Variants in NRXN1 observed in about 807,000 individuals in gnomAD.
The protein encoded by NRXN1 is neurexin-1.
Under a neutral mutation model 150.9 loss-of-function variants are expected in NRXN1, and 39 were observed. The observed-to-expected ratio is 0.26, with a 90% confidence interval of 0.20 to 0.34. The LOEUF (loss-of-function observed/expected upper bound fraction) is 0.34. Among genes scored for constraint, NRXN1 ranks in the 10% least tolerant of loss-of-function variants. The probability of loss-of-function intolerance (pLI) is 1.00; values close to 1 mark genes in which losing one functional copy is unlikely to be tolerated. For synonymous variants in NRXN1, 924 were observed against 757.0 expected, an observed-to-expected ratio of 1.22 and a Z score of -3.62; for missense variants, 1,815 against 1,949.9, an observed-to-expected ratio of 0.93 and a Z score of 1.30.
chr2:50,356,842 CTG>C (rs1382982962), intron 17 of NRXN1, among the ~76,000 whole-genome samples: 12 of 152,108 alleles, frequency 7.9e-5, no homozygotes, highest in Non-Finnish European at 1.5e-5. Context: ...TACTTGATGA[CTG>C]CCTCTTACGT....
At chr2:50,898,615 A>T (rs755258937) in intron 5 of NRXN1, 2 of 479,460 alleles carry the variant, frequency 4.2e-6, no homozygotes, top group South Asian at 3.1e-5. Flanking sequence ...GTAATATTCT[A>T]TGAGGTTATC....
intron 18 of NRXN1, among the ~76,000 whole-genome samples, chr2:50,116,198 A>G (rs1211677826): frequency 6.6e-6 from 1 of 152,042 alleles, no homozygotes; most frequent in African/African-American, 2.4e-5. Flanking sequence ...CCACTGGCTT[A>G]TCTACAGCAA....
chr2:50,287,284 C>A (rs1434570975), intron 17 of NRXN1, among the ~76,000 whole-genome samples: 2 of 151,938 alleles, frequency 1.3e-5, no homozygotes, highest in Non-Finnish European at 2.9e-5. Context: ...TTCTTCTTCT[C>A]AAAATAATAG....
At chr2:50,635,387 G>A (rs1486114276) in intron 5 of NRXN1, among the ~76,000 whole-genome samples, 1 of 149,694 alleles carries the variant, frequency 6.7e-6, no homozygotes, top group Non-Finnish European at 1.5e-5. Flanking sequence ...GGATGGTCTC[G>A]ATCTCCTGAG....
chr2:50,729,982 C>G (rs1294671490), intron 5 of NRXN1, among the ~76,000 whole-genome samples: 1 of 152,044 alleles, frequency 6.6e-6, no homozygotes, highest in East Asian at 1.9e-4. Flanking sequence ...TTCTAAAGAC[C>G]TTCTTGACTA....
At chr2:50,004,805 G>C (rs758214032) in intron 21 of NRXN1, among the ~76,000 whole-genome samples, 66 of 152,236 alleles carry the variant, frequency 4.3e-4, no homozygotes, top group Non-Finnish European at 5.0e-4. Flanking sequence ...ACAGTGGTAG[G>C]TTATTCACAT....
At chr2:50,969,183 G>C (rs914946809) in intron 2 of NRXN1, among the ~76,000 whole-genome samples, 7 of 151,998 alleles carry the variant, frequency 4.6e-5, no homozygotes, top group African/African-American at 1.7e-4. Context: ...AGTCAGACAT[G>C]CTCTTTATAC....
chr2:51,002,682 A>C (rs1223282369), intron 2 of NRXN1, among the ~76,000 whole-genome samples: 5 of 151,944 alleles, frequency 3.3e-5, no homozygotes, highest in Non-Finnish European at 7.4e-5. Flanking sequence ...ATCATCAGAA[A>C]TATTACATCA....
chr2:50,470,292 A>G (rs958588344), intron 16 of NRXN1, among the ~76,000 whole-genome samples: 1 of 151,778 alleles, frequency 6.6e-6, no homozygotes, highest in Non-Finnish European at 1.5e-5. Context: ...GATCCCCTTA[A>G]CAATTTTGTC....
intron 5 of NRXN1, among the ~76,000 whole-genome samples, chr2:50,800,926 A>C (rs1707503668): frequency 6.6e-6 from 1 of 152,152 alleles, no homozygotes; most frequent in Non-Finnish European, 1.5e-5. Flanking sequence ...TTAATTCTTA[A>C]ATTGTCTAAC....
chr2:50,002,375 G>A (rs1157148696), intron 21 of NRXN1, among the ~76,000 whole-genome samples: 1 of 152,124 alleles, frequency 6.6e-6, no homozygotes, highest in Non-Finnish European at 1.5e-5. Context: ...AGTCATTGCT[G>A]AGTCTATCAT....
At chr2:50,266,044 G>A (rs1465090322) in intron 17 of NRXN1, among the ~76,000 whole-genome samples, 1 of 146,542 alleles carries the variant, frequency 6.8e-6, no homozygotes, top group Non-Finnish European at 1.5e-5. Flanking sequence ...TGTTGCCCAG[G>A]CTGGAGTGCA....
intron 17 of NRXN1, among the ~76,000 whole-genome samples, chr2:50,262,968 AT>A (rs2068450178): frequency 6.6e-6 from 1 of 152,016 alleles, no homozygotes; most frequent in Non-Finnish European, 1.5e-5. Flanking sequence ...TCCCTGGTAG[AT>A]TAATACCTTT....
At chr2:50,894,199 C>A (rs1681546330) in intron 5 of NRXN1, among the ~76,000 whole-genome samples, 1 of 150,746 alleles carries the variant, frequency 6.6e-6, no homozygotes, top group Non-Finnish European at 1.5e-5. Flanking sequence ...TGTAACTAAC[C>A]TGCACATTGT....
intron 17 of NRXN1, among the ~76,000 whole-genome samples, chr2:50,266,234 G>C (rs2068851827): frequency 6.7e-6 from 1 of 149,372 alleles, no homozygotes; most frequent in South Asian, 2.1e-4. Flanking sequence ...CCTGACCTAA[G>C]GTGATCCACC....
intron 17 of NRXN1, among the ~76,000 whole-genome samples, chr2:50,298,887 C>T (rs2073886928): frequency 6.6e-6 from 1 of 152,128 alleles, no homozygotes; most frequent in Non-Finnish European, 1.5e-5. Context: ...TCAAACTCTC[C>T]TTTTGAAATG....
At chr2:49,989,360 T>C (rs1681513751) in intron 21 of NRXN1, among the ~76,000 whole-genome samples, 1 of 152,190 alleles carries the variant, frequency 6.6e-6, no homozygotes, top group Non-Finnish European at 1.5e-5. Flanking sequence ...CAGGTCTCTT[T>C]AGGACTCTGC....
At chr2:50,692,223 AT>A (rs1292885926) in intron 5 of NRXN1, among the ~76,000 whole-genome samples, 8 of 152,156 alleles carry the variant, frequency 5.3e-5, no homozygotes, top group African/African-American at 1.9e-4. Flanking sequence ...AGCAGGCTCT[AT>A]TTCATAAATG....
At chr2:50,957,026 T>C (rs112149823) in intron 2 of NRXN1, among the ~76,000 whole-genome samples, 2,319 of 152,238 alleles carry the variant, frequency 0.015, 68 homozygotes, top group African/African-American at 0.052. Flanking sequence ...AAAGATGGAA[T>C]TGGGAGTATG....
Sources: gnomAD v4.1 joint callset for allele counts (sites outside exome capture counted in the v4.1 genomes callset) on GRCh38, gnomAD v4.1.1 for gene constraint, MANE v1.5 for transcripts, NCBI Gene and HGNC (gene_info 2026-07-23, HGNC 2026-07-21) for gene names.